The following APBA1 variants were observed in gnomAD, a reference collection of about 807,000 sequenced individuals.
APBA1 encodes amyloid-beta A4 precursor protein-binding family A member 1.
APBA1 carries 55 observed loss-of-function variants against 86.6 expected under a neutral mutation model. The ratio of observed to expected loss-of-function variants is 0.64; its 90% CI spans 0.51 to 0.80. The LOEUF is 0.80. Among genes scored for constraint, APBA1 ranks in the 30% least tolerant of loss-of-function variants. The probability of loss-of-function intolerance (pLI) is 0.00; values close to 1 mark genes in which losing one functional copy is unlikely to be tolerated. For synonymous variants in APBA1, 511 were observed against 493.9 expected (o/e 1.03, Z -0.46); for missense variants, 1,090 against 1,183.0 (o/e 0.92, Z 1.15).
At chr9:69,466,788 A>T (rs1000415739) in intron 5 of APBA1, among the ~76,000 whole-genome samples, 5 of 152,264 alleles carry the variant, frequency 3.3e-5, no homozygotes, top group Non-Finnish European at 5.9e-5. Flanking sequence ...GTTACCACAC[A>T]AACACCAGGG....
intron 8 of APBA1, among the ~76,000 whole-genome samples, chr9:69,452,826 A>G (rs1174531392): frequency 6.6e-6 from 1 of 152,242 alleles, no homozygotes; most frequent in Non-Finnish European, 1.5e-5. Flanking sequence ...AAACTTCATG[A>G]CTTTGGAAAA....
At chr9:69,596,585 C>T (rs1382929962) in intron 1 of APBA1, among the ~76,000 whole-genome samples, 1 of 152,158 alleles carries the variant, frequency 6.6e-6, no homozygotes, top group Non-Finnish European at 1.5e-5. Context: ...ACCCATGTTC[C>T]GAGCATGTTA....
intron 5 of APBA1, 89 bp from the exon 6 acceptor site, chr9:69,458,277 A>G (rs1483554354): frequency 8.2e-7 from 1 of 1,225,480 alleles, no homozygotes; most frequent in African/African-American, 1.5e-5. Flanking sequence ...ACAAACTAAT[A>G]CTGAATAGTG....
At chr9:69,578,563 A>T (rs923160246) in intron 1 of APBA1, among the ~76,000 whole-genome samples, 1 of 152,230 alleles carries the variant, frequency 6.6e-6, no homozygotes, top group Non-Finnish European at 1.5e-5. Context: ...ACAGACTTTA[A>T]ATTAAAAAAT....
In APBA1 at chr9:69,515,015, T is replaced by C. The variant is rs191592590; in HGVS notation, c.1200+996A>G. ...CTACCCATCCCAGATCTTCAAGGGA[T>C]TGATATAAGGCAGTTCTCAAATTGT... On this transcript the variant is annotated intron_variant, in intron 2 of 12. Coordinates refer to ENST00000265381, the MANE Select transcript of APBA1 (RefSeq NM_001163.4). Among the ~76,000 whole-genome samples, 127 of 152,268 alleles carry C rather than the reference T, an allele frequency of 8.3e-4. 1 individual carries two copies. The highest frequency in any genetic ancestry group is 2.9e-3 in the African/African-American group (120 of 41,548).
At chr9:69,575,284 A>G (rs1821770009) in intron 1 of APBA1, among the ~76,000 whole-genome samples, 1 of 152,168 alleles carries the variant, frequency 6.6e-6, no homozygotes, top group Non-Finnish European at 1.5e-5. Flanking sequence ...ATACTGCCCA[A>G]GGTAATTTAT....
Position 69,657,299 on chromosome 9 carries a change from T to C in APBA1, c.-70+14854A>G, listed in dbSNP as rs559450354. Among the ~76,000 whole-genome samples, 6 of 152,364 alleles carry C rather than the reference T, an allele frequency of 3.9e-5. No individual in the cohort carries two copies. The East Asian group carries it at 1.2e-3, about 29-fold the overall frequency. ...TCCAGCCCATTCAATAAATGTGTTATATATAGAAGGCAGTGGATTTTGCTT... is the reference window on the plus strand; with the variant it reads ...TCCAGCCCATTCAATAAATGTGTTACATATAGAAGGCAGTGGATTTTGCTT... On this transcript the variant is annotated intron_variant, in intron 1 of 12. Coordinates refer to ENST00000265381, the MANE Select transcript of APBA1 (RefSeq NM_001163.4).
In APBA1 at chr9:69,431,233, G is replaced by C. The variant is rs1237593212; in HGVS notation, c.*94C>G. 2 of 941,808 alleles carry C rather than the reference G, an allele frequency of 2.1e-6. No homozygotes were observed. Among genetic ancestry groups the C allele is most frequent in the Admixed American group, 5.6e-5 (2 of 35,538 alleles). 58.3% of individuals were successfully genotyped at this position (941,808 alleles called of 1,614,324 possible). On this transcript the variant is annotated 3_prime_UTR_variant, in exon 13 of 13. Coordinates refer to ENST00000265381, the MANE Select transcript of APBA1 (RefSeq NM_001163.4). ...GTGTAAAACCAAATGCTGGGCGCGA[G>C]AGGGGAAAGTCTCAGTGGACACAGG...
At chr9:69,466,750 G>C (rs1835286707) in intron 5 of APBA1, among the ~76,000 whole-genome samples, 2 of 152,212 alleles carry the variant, frequency 1.3e-5, no homozygotes, top group South Asian at 2.1e-4. Context: ...AGTTACTGCG[G>C]TCTACCTGTC....
chr9:69,660,200 A>G (rs563685335), intron 1 of APBA1, among the ~76,000 whole-genome samples: 1 of 152,270 alleles, frequency 6.6e-6, no homozygotes, highest in Non-Finnish European at 1.5e-5. Context: ...GAAGAAAAAC[A>G]GGAGGTATGT....
At chr9:69,582,993 A>G (rs996738211) in intron 1 of APBA1, among the ~76,000 whole-genome samples, 5 of 152,176 alleles carry the variant, frequency 3.3e-5, no homozygotes, top group Admixed American at 2.0e-4. Context: ...ATGATCCTGT[A>G]TGGAAGCTGT....
chr9:69,593,570 C>T (rs1236729012), intron 1 of APBA1, among the ~76,000 whole-genome samples: 2 of 152,180 alleles, frequency 1.3e-5, no homozygotes, highest in Non-Finnish European at 2.9e-5. Context: ...TAATATGTGG[C>T]TCAGGAAATT....
chr9:69,657,621 T>C (rs1823637597), intron 1 of APBA1, among the ~76,000 whole-genome samples: 1 of 152,230 alleles, frequency 6.6e-6, no homozygotes, highest in African/African-American at 2.4e-5. Flanking sequence ...CTTTGCTAGA[T>C]AATACTTAGA....
intron 1 of APBA1, among the ~76,000 whole-genome samples, chr9:69,656,076 T>C (rs1823606398): frequency 6.6e-6 from 1 of 152,190 alleles, no homozygotes; most frequent in African/African-American, 2.4e-5. Flanking sequence ...TTAACACTAC[T>C]ACACACTTAG....
At chr9:69,629,083 G>A (rs1331656032) in intron 1 of APBA1, among the ~76,000 whole-genome samples, 1 of 152,008 alleles carries the variant, frequency 6.6e-6, no homozygotes, top group Non-Finnish European at 1.5e-5. Flanking sequence ...TATACAAAAG[G>A]TAACTTCAGA....
intron 1 of APBA1, among the ~76,000 whole-genome samples, chr9:69,518,698 C>G (rs1588336942): frequency 6.6e-6 from 1 of 151,962 alleles, no homozygotes; most frequent in South Asian, 2.1e-4. Flanking sequence ...TTTTGGAGAG[C>G]CTTTCTTACA....
chr9:69,428,117 T>C lies in APBA1; in HGVS notation c.*3210A>G, dbSNP rs1167557272. 1 of 152,130 alleles carries C rather than the reference T, an allele frequency of 6.6e-6. No homozygotes were observed. Among genetic ancestry groups the C allele is most frequent in the Non-Finnish European group, 1.5e-5 (1 of 68,046 alleles). The allele number at this position is 152,130 out of a possible 1,614,324, so 9.4% of individuals were successfully genotyped here. A position where few individuals can be genotyped will look rare whatever the true frequency, so the allele number is the denominator to read the frequency against. On this transcript the variant is annotated 3_prime_UTR_variant, in exon 13 of 13. Transcript: ENST00000265381. Reference sequence around the variant, plus strand: ...AGGGGCGGCCCCTGGTTGTAAACATTGGTAACGGCTACACCACTGGGTCGA... The same window carrying C: ...AGGGGCGGCCCCTGGTTGTAAACATCGGTAACGGCTACACCACTGGGTCGA...
At chr9:69,646,352 A>T (rs1823389080) in intron 1 of APBA1, among the ~76,000 whole-genome samples, 1 of 152,242 alleles carries the variant, frequency 6.6e-6, no homozygotes, top group Non-Finnish European at 1.5e-5. Context: ...AAATATTTTT[A>T]AAACATATAG....
chr9:69,494,101 T>G (rs563956725), intron 2 of APBA1, among the ~76,000 whole-genome samples: 2 of 152,252 alleles, frequency 1.3e-5, no homozygotes, highest in Admixed American at 6.5e-5. Flanking sequence ...TTCTTTAATG[T>G]GGTGAAGTAG....
Sources: gnomAD v4.1 joint callset for allele counts (sites outside exome capture counted in the v4.1 genomes callset) on GRCh38, gnomAD v4.1.1 for gene constraint, MANE v1.5 for transcripts, NCBI Gene and HGNC (gene_info 2026-07-23, HGNC 2026-07-21) for gene names.